DPP6: variants seen among roughly 807,000 people sequenced by gnomAD.
The protein encoded by DPP6 is dipeptidyl peptidase like 6.
In DPP6, 69 loss-of-function variants were observed where a neutral mutation model predicts 122.6. The observed-to-expected ratio is 0.56, with a 90% CI of 0.46 to 0.69. The LOEUF (loss-of-function observed/expected upper bound fraction) is 0.69, where lower values mean the gene tolerates loss of function less well. DPP6 is among the 30% of genes least tolerant of loss of function. The probability of loss-of-function intolerance (pLI) is 0.00; values close to 1 mark genes in which losing one functional copy is unlikely to be tolerated. For missense variants in DPP6, 928 were observed against 1,116.9 expected (o/e 0.83, Z 2.41); for synonymous variants, 418 against 433.1 (o/e 0.97, Z 0.43).
At chr7:154,112,621 G>A (rs1806670202) in intron 1 of DPP6, among the ~76,000 whole-genome samples, 1 of 151,612 alleles carries the variant, frequency 6.6e-6, no homozygotes, top group Non-Finnish European at 1.5e-5. Flanking sequence ...CTCCTGCTTG[G>A]GCAACAGAGT....
intron 6 of DPP6, among the ~76,000 whole-genome samples, chr7:154,648,316 C>T (rs1563057770): frequency 2.0e-5 from 3 of 151,580 alleles, no homozygotes; most frequent in African/African-American, 7.3e-5. Flanking sequence ...AGGCCTGATG[C>T]GAAGCACTGG....
intron 1 of DPP6, among the ~76,000 whole-genome samples, chr7:154,141,452 T>C (rs1563241311): frequency 2.0e-5 from 3 of 152,212 alleles, no homozygotes. Flanking sequence ...TTTACTGCTC[T>C]ATCTGATCAC....
chr7:154,512,773 C>T (rs12668377), intron 3 of DPP6, among the ~76,000 whole-genome samples: 54,518 of 152,000 alleles, frequency 0.36, 9,903 homozygotes, highest in Non-Finnish European at 0.39. Flanking sequence ...CTTGTGGTTT[C>T]CAGAGCTGTA....
chr7:153,977,309 G>C (rs1796360327), intron 1 of DPP6, among the ~76,000 whole-genome samples: 1 of 152,128 alleles, frequency 6.6e-6, no homozygotes, highest in African/African-American at 2.4e-5. Context: ...TATAGTCCCA[G>C]GCTGGGAAGC....
At chr7:154,749,660 A>T (rs1161326828) in intron 8 of DPP6, among the ~76,000 whole-genome samples, 10 of 92,598 alleles carry the variant, frequency 1.1e-4, no homozygotes, top group East Asian at 4.0e-4. Flanking sequence ...GGGATGGGGC[A>T]TTACTGAGAG....
intron 21 of DPP6, chr7:154,884,449 TCA>T (rs767524556): frequency 6.9e-6 from 1 of 145,898 alleles, no homozygotes; most frequent in Non-Finnish European, 1.5e-5. Flanking sequence ...ATACACATGC[TCA>T]CATACACACG....
At chr7:154,671,059 A>C (rs547406696) in intron 7 of DPP6, among the ~76,000 whole-genome samples, 2 of 152,326 alleles carry the variant, frequency 1.3e-5, no homozygotes, top group Admixed American at 6.5e-5. Context: ...AAAGAGACAA[A>C]ATTTGTCTTT....
At chr7:154,177,281 C>G (rs1033389681) in intron 1 of DPP6, among the ~76,000 whole-genome samples, 8 of 152,052 alleles carry the variant, frequency 5.3e-5, no homozygotes, top group Admixed American at 3.9e-4. Context: ...AACAATATTA[C>G]CGCATAGATA....
At chr7:154,220,253 C>A (rs956080201) in intron 1 of DPP6, among the ~76,000 whole-genome samples, 7 of 152,132 alleles carry the variant, frequency 4.6e-5, no homozygotes, top group African/African-American at 1.4e-4. Flanking sequence ...AGCTGCCTGG[C>A]CCTTTCTGCT....
intron 1 of DPP6, among the ~76,000 whole-genome samples, chr7:154,325,404 C>T (rs182864136): frequency 1.1e-4 from 16 of 152,324 alleles, no homozygotes; most frequent in Admixed American, 1.0e-3. Context: ...GTATTCATGG[C>T]AGGCCTTGAT....
At chr7:154,818,880 A>G (rs1563246305) in intron 16 of DPP6, among the ~76,000 whole-genome samples, 1 of 152,228 alleles carries the variant, frequency 6.6e-6, no homozygotes, top group African/African-American at 2.4e-5. Flanking sequence ...AATGTAAGTG[A>G]CATGAATACT....
intron 1 of DPP6, among the ~76,000 whole-genome samples, chr7:154,302,713 T>C (rs1282515438): frequency 2.0e-5 from 3 of 152,206 alleles, no homozygotes; most frequent in African/African-American, 7.2e-5. Context: ...TTTAAGCTCT[T>C]TACTGAGAAG....
chr7:153,941,785 T>C (rs1801708610), intron 1 of DPP6, among the ~76,000 whole-genome samples: 2 of 152,220 alleles, frequency 1.3e-5, no homozygotes, highest in African/African-American at 2.4e-5. Context: ...CTGGAGTTTC[T>C]GCATGGATAA....
At chr7:153,818,125 A>G in the DPP6 span, among the ~76,000 whole-genome samples, 1 of 151,124 alleles carries the variant, frequency 6.6e-6, no homozygotes, top group East Asian at 1.9e-4. Flanking sequence ...CAATTCAAAG[A>G]GAGAAAGTCC....
chr7:154,770,387 A>G (rs146041703), intron 9 of DPP6, among the ~76,000 whole-genome samples: 2,486 of 152,260 alleles, frequency 0.016, 60 homozygotes, highest in African/African-American at 0.056. Flanking sequence ...CCATGATTCA[A>G]TTACCTCCCA....
chr7:154,610,297 C>A (rs1270516176), intron 5 of DPP6, among the ~76,000 whole-genome samples: 1 of 152,038 alleles, frequency 6.6e-6, no homozygotes, highest in Non-Finnish European at 1.5e-5. Flanking sequence ...CACTTGACAG[C>A]CTTGAAATTG....
At position 154,763,283 on chromosome 7, in the gene DPP6, G is replaced by A. The variant is rs562402541; in HGVS notation, c.884-6134G>A. Among the ~76,000 whole-genome samples, 5 of 152,140 alleles carry A rather than the reference G, an allele frequency of 3.3e-5. No homozygotes were observed. In the East Asian group the frequency reaches 9.7e-4, roughly 29 times the overall value. On this transcript the variant is annotated intron_variant, in intron 8 of 25. Transcript: ENST00000377770. ...GGAGGCAGAGGTTGCAGTGAGCCGA[G>A]ATTGTGCCACTGCACTCCAGCCTGG...
chr7:154,592,432 C>T (rs993830099), intron 5 of DPP6, among the ~76,000 whole-genome samples: 27 of 152,296 alleles, frequency 1.8e-4, no homozygotes, highest in Admixed American at 3.3e-4. Flanking sequence ...ATGCACCAGG[C>T]GCTCTCGCAG....
At chr7:154,549,698 T>C (rs1829486979) in intron 4 of DPP6, among the ~76,000 whole-genome samples, 1 of 152,178 alleles carries the variant, frequency 6.6e-6, no homozygotes, top group African/African-American at 2.4e-5. Flanking sequence ...CTGCGAAGGC[T>C]CATTCCCAAG....
Sources: gnomAD v4.1 joint callset for allele counts (sites outside exome capture counted in the v4.1 genomes callset) on GRCh38, gnomAD v4.1.1 for gene constraint, MANE v1.5 for transcripts, NCBI Gene and HGNC (gene_info 2026-07-23, HGNC 2026-07-21) for gene names.